FER1L6: variants seen among roughly 807,000 people sequenced by gnomAD.
The protein encoded by FER1L6 is fer-1 like family member 6.
In FER1L6, 177 loss-of-function variants were observed where a neutral mutation model predicts 219.2. The ratio of observed to expected loss-of-function variants is 0.81; its 90% CI spans 0.71 to 0.91. FER1L6 has a LOEUF of 0.91. Among genes scored for constraint, FER1L6 ranks in the 40% least tolerant of loss-of-function variants. The probability of loss-of-function intolerance (pLI) is 0.00; values close to 1 mark genes in which losing one functional copy is unlikely to be tolerated. For synonymous variants in FER1L6, 768 were observed against 824.3 expected (o/e 0.93, Z 1.17); for missense variants, 2,153 against 2,259.9 (o/e 0.95, Z 0.96).
intron 1 of FER1L6, among the ~76,000 whole-genome samples, chr8:123,952,489 T>A (rs1217339780): frequency 1.3e-5 from 2 of 152,214 alleles, no homozygotes. Flanking sequence ...AGGGTTCCTG[T>A]GTACCTCTTG....
intron 18 of FER1L6, among the ~76,000 whole-genome samples, chr8:124,032,753 G>A (rs2130694786): frequency 6.6e-6 from 1 of 152,130 alleles, no homozygotes; most frequent in East Asian, 1.9e-4. Context: ...CAGGGTGGGA[G>A]GGGGATAAAA....
chr8:124,065,401 A>T (rs1406370289), intron 26 of FER1L6, among the ~76,000 whole-genome samples: 3 of 78,326 alleles, frequency 3.8e-5, no homozygotes, highest in African/African-American at 2.2e-4. Flanking sequence ...CCTCCATCTC[A>T]AAAAAAAAAA....
At chr8:124,031,347 C>G (rs772656422) in intron 18 of FER1L6, among the ~76,000 whole-genome samples, 53 of 152,270 alleles carry the variant, frequency 3.5e-4, no homozygotes, top group Non-Finnish European at 5.9e-4. Flanking sequence ...TTAGGTTCAA[C>G]AAAGCATGGA....
chr8:124,101,867 G>A (rs547231379), intron 38 of FER1L6, among the ~76,000 whole-genome samples: 10 of 152,294 alleles, frequency 6.6e-5, no homozygotes, highest in African/African-American at 2.4e-4. Context: ...ATACATTTTA[G>A]GGAGATATAA....
At chr8:124,040,588 AC>A (rs2130731869) in intron 20 of FER1L6, 1 of 153,438 alleles carries the variant, frequency 6.5e-6, no homozygotes, top group African/African-American at 2.4e-5. Flanking sequence ...AATACCTGAA[AC>A]TGGGTAATTT....
chr8:123,954,910 C>T (rs1156336065), intron 1 of FER1L6, among the ~76,000 whole-genome samples: 1 of 152,198 alleles, frequency 6.6e-6, no homozygotes, highest in African/African-American at 2.4e-5. Context: ...CTTCCTTGTT[C>T]CTTCCCCTCC....
intron 30 of FER1L6, among the ~76,000 whole-genome samples, chr8:124,070,996 A>G (rs1279188801): frequency 6.6e-6 from 1 of 152,230 alleles, no homozygotes; most frequent in Admixed American, 6.5e-5. Context: ...GCCAGCATTC[A>G]CTATAAACAT....
chr8:123,941,207 T>C (rs1586491983), intron 1 of FER1L6, among the ~76,000 whole-genome samples: 2 of 152,092 alleles, frequency 1.3e-5, no homozygotes. Flanking sequence ...TTACAAACTA[T>C]GATGAGTGAT....
rs761667812 is a variant in FER1L6 at position 123,973,427 on chromosome 8, T to C, written c.448-7T>C. ...TCTGCCATACTCCCTGCTCTCTCTC[T>C]CCTCAGGTCTTTCACCACAAGCTGA... On this transcript the variant is annotated splice_region_variant and splice_polypyrimidine_tract_variant and intron_variant, in intron 6 of 40. Transcript: ENST00000522917. 2 of 1,611,736 alleles carry C rather than the reference T, an allele frequency of 1.2e-6. No homozygotes were observed. Among genetic ancestry groups the C allele is most frequent in the Non-Finnish European group, 8.5e-7 (1 of 1,177,780 alleles).
chr8:123,865,507 A>G (rs1024148928), intron 1 of FER1L6, among the ~76,000 whole-genome samples: 2 of 151,434 alleles, frequency 1.3e-5, no homozygotes, highest in South Asian at 2.1e-4. Context: ...GGTGGGCTCC[A>G]CCCAGTTTGA....
At chr8:123,896,714 A>G (rs1349693856) in intron 1 of FER1L6, among the ~76,000 whole-genome samples, 1 of 152,214 alleles carries the variant, frequency 6.6e-6, no homozygotes, top group African/African-American at 2.4e-5. Flanking sequence ...AGACACATAA[A>G]CCATGTCTGT....
At chr8:123,978,358 G>A (rs1158696731) in intron 10 of FER1L6, among the ~76,000 whole-genome samples, 1 of 152,166 alleles carries the variant, frequency 6.6e-6, no homozygotes, top group Admixed American at 6.5e-5. Context: ...GCAGCGAGGT[G>A]CACTGACTGT....
intron 13 of FER1L6, among the ~76,000 whole-genome samples, chr8:124,005,618 G>C (rs1026600616): frequency 6.6e-6 from 1 of 152,204 alleles, no homozygotes; most frequent in South Asian, 2.1e-4. Context: ...GCATGTTGAG[G>C]CCAGGGACTA....
At chr8:124,037,764 GA>G (rs553041354) in intron 19 of FER1L6, among the ~76,000 whole-genome samples, 60 of 152,212 alleles carry the variant, frequency 3.9e-4, no homozygotes, top group Admixed American at 7.2e-4. Flanking sequence ...ATCAAGTAAG[GA>G]GTTGTCTTTG....
intron 1 of FER1L6, among the ~76,000 whole-genome samples, chr8:123,858,068 CCTT>C (rs1236681006): frequency 6.6e-6 from 1 of 152,160 alleles, no homozygotes; most frequent in African/African-American, 2.4e-5. Context: ...CCCTTCCCCT[CCTT>C]CATGGGAAAC....
At chr8:123,909,072 T>C (rs1813006952) in intron 1 of FER1L6, among the ~76,000 whole-genome samples, 1 of 152,202 alleles carries the variant, frequency 6.6e-6, no homozygotes, top group Non-Finnish European at 1.5e-5. Context: ...GATCCACTAA[T>C]TTTTCAAGAG....
intron 1 of FER1L6, among the ~76,000 whole-genome samples, chr8:123,883,657 G>A (rs1031603761): frequency 1.6e-4 from 24 of 152,174 alleles, no homozygotes; most frequent in African/African-American, 5.3e-4. Context: ...ACAATTCTGG[G>A]GGCTGGGAAG....
At chr8:123,874,331 C>T (rs1272469617) in intron 1 of FER1L6, among the ~76,000 whole-genome samples, 2 of 152,196 alleles carry the variant, frequency 1.3e-5, no homozygotes, top group Admixed American at 1.3e-4. Context: ...CACATACTAG[C>T]TGCGTCACGT....
chr8:123,875,131 G>A (rs1481663420), intron 1 of FER1L6, among the ~76,000 whole-genome samples: 1 of 152,084 alleles, frequency 6.6e-6, no homozygotes, highest in Non-Finnish European at 1.5e-5. Context: ...GGAGGTGGAG[G>A]TTGCAGTGAG....
Sources: gnomAD v4.1 joint callset for allele counts (sites outside exome capture counted in the v4.1 genomes callset) on GRCh38, gnomAD v4.1.1 for gene constraint, MANE v1.5 for transcripts, NCBI Gene and HGNC (gene_info 2026-07-23, HGNC 2026-07-21) for gene names.